The following MORC1 variants were observed in gnomAD, a reference collection of about 807,000 sequenced individuals.
MORC1 encodes MORC family CW-type zinc finger 1, also known as MORC family CW-type zinc finger protein 1.
Under a neutral mutation model 134.9 loss-of-function variants are expected in MORC1, and 59 were observed. The observed-to-expected ratio is 0.44, with a 90% CI of 0.35 to 0.54. The LOEUF is 0.54. MORC1 is among the 20% of genes least tolerant of loss of function. The probability of loss-of-function intolerance (pLI) is 0.00; values close to 1 mark genes in which losing one functional copy is unlikely to be tolerated. For missense variants in MORC1, 947 were observed against 1,134.5 expected (o/e 0.83, Z 2.37); for synonymous variants, 395 against 391.7 (o/e 1.01, Z -0.10).
At chr3:109,099,557 G>A in intron 5 of MORC1, 91 bp from the exon 6 acceptor site, 2 of 954,098 alleles carry the variant, frequency 2.1e-6, no homozygotes, top group Non-Finnish European at 3.0e-6. Flanking sequence ...ACTGTAACAG[G>A]ATGTTCTTTC....
At chr3:109,013,036 G>A (rs1948733326) in intron 17 of MORC1, among the ~76,000 whole-genome samples, 1 of 152,144 alleles carries the variant, frequency 6.6e-6, no homozygotes, top group African/African-American at 2.4e-5. Flanking sequence ...TTAGCTGCAA[G>A]TGTTTTGTAG....
Position 109,081,341 on chromosome 3 carries a change from G to C in MORC1, c.690-11584C>G, listed in dbSNP as rs115022125. Among the ~76,000 whole-genome samples, 433 of 151,828 alleles carry C rather than the reference G, an allele frequency of 2.9e-3. 7 individuals carry two copies. The highest frequency in any genetic ancestry group is 0.01 in the African/African-American group (416 of 41,398). On this transcript the variant is annotated intron_variant, in intron 8 of 27. Coordinates refer to ENST00000232603, the MANE Select transcript of MORC1 (RefSeq NM_014429.4). Reference sequence around the variant, plus strand: ...CACAACAGAAAACCAAAAACAAATAGACAGTGCCAAAATTAATACCAGCAA... The same window carrying C: ...CACAACAGAAAACCAAAAACAAATACACAGTGCCAAAATTAATACCAGCAA...
intron 3 of MORC1, 95 bp from the exon 4 acceptor site, chr3:109,104,012 G>T: frequency 8.8e-7 from 1 of 1,142,494 alleles, no homozygotes; most frequent in Non-Finnish European, 1.3e-6. Flanking sequence ...TTCCTCCAAT[G>T]CAGCCACAGA....
At chr3:109,026,854 A>C (rs1282410010) in intron 17 of MORC1, among the ~76,000 whole-genome samples, 1 of 152,148 alleles carries the variant, frequency 6.6e-6, no homozygotes, top group Non-Finnish European at 1.5e-5. Context: ...GAGAGACCCT[A>C]AGACTCCAGG....
chr3:108,983,085 TAC>T (rs1424301879), intron 23 of MORC1, among the ~76,000 whole-genome samples: 1 of 152,062 alleles, frequency 6.6e-6, no homozygotes, highest in African/African-American at 2.4e-5. Flanking sequence ...TATACATGCA[TAC>T]ACACACCTGC....
At chr3:108,994,518 A>G (rs939312896) in intron 21 of MORC1, among the ~76,000 whole-genome samples, 1 of 152,190 alleles carries the variant, frequency 6.6e-6, no homozygotes, top group African/African-American at 2.4e-5. Flanking sequence ...TAACATTCAG[A>G]ATAGTAACTG....
chr3:109,008,261 A>G (rs1258925415), intron 17 of MORC1, among the ~76,000 whole-genome samples: 1 of 152,188 alleles, frequency 6.6e-6, no homozygotes, highest in Non-Finnish European at 1.5e-5. Flanking sequence ...ATATGTCCAT[A>G]TAATCAATTT....
intron 8 of MORC1, among the ~76,000 whole-genome samples, chr3:109,091,658 C>CA (rs1284819640): frequency 6.6e-6 from 1 of 152,026 alleles, no homozygotes; most frequent in African/African-American, 2.4e-5. Flanking sequence ...GTACTCGTGT[C>CA]AGAGGCCATG....
chr3:109,073,347 T>C (rs1348662312), intron 8 of MORC1, among the ~76,000 whole-genome samples: 1 of 152,240 alleles, frequency 6.6e-6, no homozygotes, highest in Non-Finnish European at 1.5e-5. Context: ...TCAGATTCTC[T>C]GTGGCTGGAG....
At chr3:109,009,658 A>C (rs1322818869) in intron 17 of MORC1, among the ~76,000 whole-genome samples, 1 of 152,200 alleles carries the variant, frequency 6.6e-6, no homozygotes, top group Admixed American at 6.5e-5. Flanking sequence ...GTTTGAAGCC[A>C]AAGTGAACTG....
intron 3 of MORC1, among the ~76,000 whole-genome samples, chr3:109,106,754 G>A (rs915889064): frequency 8.5e-5 from 13 of 152,132 alleles, no homozygotes; most frequent in Admixed American, 2.0e-4. Flanking sequence ...CCAGTATACT[G>A]CCTGGGGATA....
intron 11 of MORC1, among the ~76,000 whole-genome samples, chr3:109,061,124 C>G (rs1219841474): frequency 6.6e-6 from 1 of 152,140 alleles, no homozygotes; most frequent in Non-Finnish European, 1.5e-5. Context: ...TTATCAGACA[C>G]AGCCTTGGTC....
intron 21 of MORC1, among the ~76,000 whole-genome samples, chr3:108,992,464 C>T (rs1249951796): frequency 1.3e-5 from 2 of 152,146 alleles, no homozygotes; most frequent in African/African-American, 2.4e-5. Flanking sequence ...ACTCTTACTA[C>T]TGTCATCAAG....
intron 26 of MORC1, among the ~76,000 whole-genome samples, chr3:108,964,209 A>G (rs1395642224): frequency 6.6e-6 from 1 of 152,236 alleles, no homozygotes; most frequent in Admixed American, 6.5e-5. Flanking sequence ...TGTTCTCCAA[A>G]ATTTCATGCT....
intron 16 of MORC1, among the ~76,000 whole-genome samples, chr3:109,029,213 A>C (rs1949173934): frequency 6.6e-6 from 1 of 152,182 alleles, no homozygotes; most frequent in Admixed American, 6.5e-5. Flanking sequence ...GGTGTTTGTT[A>C]TTATCGTTAT....
intron 5 of MORC1, 90 bp from the exon 6 acceptor site, chr3:109,099,556 G>T: frequency 1.0e-6 from 1 of 967,718 alleles, no homozygotes; most frequent in Non-Finnish European, 1.5e-6. Context: ...TACTGTAACA[G>T]GATGTTCTTT....
chr3:109,043,555 T>C (rs1181755905), intron 14 of MORC1, among the ~76,000 whole-genome samples: 2 of 151,910 alleles, frequency 1.3e-5, no homozygotes, highest in Non-Finnish European at 2.9e-5. Context: ...GTGGTTAAGA[T>C]GGTAAATTTC....
At chr3:109,011,556 T>C (rs988587959) in intron 17 of MORC1, among the ~76,000 whole-genome samples, 1 of 151,756 alleles carries the variant, frequency 6.6e-6, no homozygotes, top group African/African-American at 2.4e-5. Context: ...AGTTTCGCTC[T>C]TGCTGCCCAG....
At chr3:108,982,641 A>G (rs1284129215) in intron 23 of MORC1, among the ~76,000 whole-genome samples, 6 of 151,542 alleles carry the variant, frequency 4.0e-5, no homozygotes, top group Non-Finnish European at 7.4e-5. Flanking sequence ...ATGACGAGTT[A>G]ATGGGTGCAG....
Sources: gnomAD v4.1 joint callset for allele counts (sites outside exome capture counted in the v4.1 genomes callset) on GRCh38, gnomAD v4.1.1 for gene constraint, MANE v1.5 for transcripts, NCBI Gene and HGNC (gene_info 2026-07-23, HGNC 2026-07-21) for gene names.